The following WDR90 variants were observed in gnomAD, a reference collection of about 807,000 sequenced individuals.
WDR90 encodes WD repeat-containing protein 90.
In WDR90, 238 loss-of-function variants were observed where a neutral mutation model predicts 195.2. The observed-to-expected ratio is 1.22, with a 90% confidence interval of 1.10 to 1.36. The LOEUF is 1.36. Among genes scored for constraint, WDR90 ranks in the 40% most tolerant of loss-of-function variants. WDR90 has a pLI of 0.00. For missense variants in WDR90, 2,734 were observed against 2,439.5 expected, an observed-to-expected ratio of 1.12 and a Z score of -2.54; for synonymous variants, 1,265 against 1,052.4, an observed-to-expected ratio of 1.20 and a Z score of -3.91.
chr16:657,653 G>A, intron 20 of WDR90, 109 bp from the exon 21 acceptor site: 1 of 1,383,914 alleles, frequency 7.2e-7, no homozygotes, highest in Non-Finnish European at 9.5e-7. Flanking sequence ...CTGTGCTCCG[G>A]GGCTGGTGTT....
chr16:665,907 G>GA lies in WDR90; in HGVS notation c.4435-43_4435-42insA, dbSNP rs2038016055. On this transcript the variant is annotated intron_variant, in intron 35 of 40. Transcript: ENST00000293879. ...CCTCTGGCCTGGGTGTGTGTCCTCA[G>GA]GGCCCCTGTGAGTGCTGAAGTTTCC... 1.3e-5 allele frequency: 20 copies of GA among 1,562,200 alleles called. No individual in the cohort carries two copies. The South Asian group carries it at 2.0e-4, about 16-fold the overall frequency.
rs376823814 is a variant in WDR90, at chr16:658,976, C to T, written c.2976C>T (p.Ala992=). The T allele has an allele frequency of 1.9e-5, 30 of 1,612,762 alleles. No individual in the cohort carries two copies. Among genetic ancestry groups the T allele is most frequent in the East Asian group, 1.8e-4 (8 of 44,864 alleles). ...AGCAGGTCCTCAGCGCAGGGGACGC[C>T]GTCTTCCTCTGGGATGTCCTGGCCC... The part of the protein sequence containing the change: ...DQQQVLSAGD[A]VFLWDVLAPT... Residue 992 remains alanine, a synonymous_variant, in exon 24 of 41, where the codon GCC becomes GCT. Coordinates refer to ENST00000293879, the MANE Select transcript of WDR90 (RefSeq NM_145294.5).
chr16:650,682 T>C lies in WDR90; in HGVS notation c.532T>C (p.Tyr178His). 6.2e-7 allele frequency: 1 copy of C among 1,612,098 alleles called. No homozygotes were observed. Among genetic ancestry groups the C allele is most frequent in the Non-Finnish European group, 8.5e-7 (1 of 1,179,376 alleles). ...CGCCAGCCTGCTGGTCAGGAACCTGTACACCAGTGACCTGTGCTTTGAGCC... is the reference window on the plus strand; with the variant it reads ...CGCCAGCCTGCTGGTCAGGAACCTGCACACCAGTGACCTGTGCTTTGAGCC... ...LCASLLVRNLYTSDLCFEPAI... is the reference protein window; with the variant it reads ...LCASLLVRNLHTSDLCFEPAI... Residue 178 changes from tyrosine to histidine, a missense_variant, in exon 5 of 41, where the codon TAC (tyrosine) becomes CAC (histidine). Tyr to His is a moderately conservative substitution (Grantham distance 83, BLOSUM62 2). Coordinates refer to ENST00000293879, the MANE Select transcript of WDR90 (RefSeq NM_145294.5).
rs139254832 is a variant in WDR90 at position 656,758 on chromosome 16, C to T, written c.2229C>T (p.Asp743=). 1,642 of 1,613,174 alleles carry T rather than the reference C, an allele frequency of 1.0e-3. 31 individuals are homozygous for T. The East Asian group carries it at 0.033, about 33-fold the overall frequency. Residue 743 remains aspartate (D), a synonymous_variant, in exon 19 of 41, where the codon GAC becomes GAT. Coordinates refer to ENST00000293879, the MANE Select transcript of WDR90 (RefSeq NM_145294.5). ...QQLYDFTSSE[D]APCAVTFHPT... ...TATACGACTTCACATCATCAGAGGACGCCCCGTGCGCTGTCACCTTCCACC... is the reference window on the plus strand; with the variant it reads ...TATACGACTTCACATCATCAGAGGATGCCCCGTGCGCTGTCACCTTCCACC...
chr16:658,954 A>G lies in WDR90; in HGVS notation c.2954A>G (p.Gln985Arg). ...QAVAFSPDQQ[Q>R]VLSAGDAVFL... Reference sequence around the variant, plus strand: ...GTGGCCTTCTCTCCTGACCAGCAGCAGGTCCTCAGCGCAGGGGACGCCGTC... The same window carrying G: ...GTGGCCTTCTCTCCTGACCAGCAGCGGGTCCTCAGCGCAGGGGACGCCGTC... The change falls in exon 24 of 41, where the codon CAG becomes CGG. Residue 985 changes from glutamine to arginine, a missense_variant. Coordinates refer to ENST00000293879, the MANE Select transcript of WDR90 (RefSeq NM_145294.5). 6.2e-7 allele frequency: 1 copy of G among 1,612,914 alleles called. No individual in the cohort carries two copies. The highest frequency in any genetic ancestry group is 8.5e-7 in the Non-Finnish European group (1 of 1,179,964).
At chr16:654,828 G>T (rs1441652128) in intron 13 of WDR90, 5 of 592,048 alleles carry the variant, frequency 8.4e-6, no homozygotes, top group African/African-American at 7.5e-5. Flanking sequence ...GCTCAGCATT[G>T]CGGGTCTCTG....
rs770927119 is a variant in WDR90, at chr16:666,954, C to T, written c.5054C>T (p.Ser1685Phe). The change falls in exon 40 of 41, where the codon TCC (serine) becomes TTC (phenylalanine). Residue 1685 changes from serine to phenylalanine, a missense_variant. Ser to Phe is a radical substitution (Grantham distance 155). Coordinates refer to ENST00000293879, the MANE Select transcript of WDR90 (RefSeq NM_145294.5). ...LPFFAMSLSL[S>F]PGTHLLAVGF... is the part of the protein sequence containing the mutation. ...TTTTTTGCCATGTCCCTGAGCCTGT[C>T]CCCCGGGACCCACCTCCTGGCTGTT... 23 of 1,611,042 alleles carry T rather than the reference C, an allele frequency of 1.4e-5. No individual in the cohort carries two copies. Among genetic ancestry groups the T allele is most frequent in the African/African-American group, 4.0e-5 (3 of 74,824 alleles).
In WDR90 at chr16:659,364, G is replaced by A. The variant is rs767788709; in HGVS notation, c.3172G>A (p.Glu1058Lys). 17 of 1,592,182 alleles carry A rather than the reference G, an allele frequency of 1.1e-5. No individual in the cohort carries two copies. Among genetic ancestry groups the A allele is most frequent in the African/African-American group, 5.4e-5 (4 of 74,744 alleles). The change falls in exon 26 of 41, where the codon GAA becomes AAA. Residue 1058 changes from glutamate (E) to lysine (K), a missense_variant. By Grantham distance (56) the Glu-to-Lys change is moderately conservative (BLOSUM62 1). Coordinates refer to ENST00000293879, the MANE Select transcript of WDR90 (RefSeq NM_145294.5). The part of the protein sequence containing the change: ...PRLGVCARPP[E>K]GGDGARDTRN... ...GCTGGGCGTCTGTGCCAGGCCTCCCGAAGGTGGCGATGGTGAGCAGCAGGG... is the reference window on the plus strand; with the variant it reads ...GCTGGGCGTCTGTGCCAGGCCTCCCAAAGGTGGCGATGGTGAGCAGCAGGG...
At chr16:658,861 C>T in intron 23 of WDR90, 35 bp from the exon 24 acceptor site, 1 of 1,606,608 alleles carries the variant, frequency 6.2e-7, no homozygotes, top group Non-Finnish European at 8.5e-7. Flanking sequence ...CCATGCCCCG[C>T]CTCGGGGTCC....
At position 661,427 on chromosome 16, in the gene WDR90, A is replaced by T; in HGVS notation, c.3599A>T (p.His1200Leu). Residue 1200 changes from histidine to leucine, a missense_variant, in exon 30 of 41, where the codon CAT (histidine) becomes CTT (leucine). By Grantham distance (99) the His-to-Leu change is moderately conservative. Transcript: ENST00000293879. ...GACGTGTCTGGCGGCCTCTGCCAGC[A>T]TCTCATTTTCCCCCATAGCACCACC... ...VWDVSGGLCQ[H>L]LIFPHSTTVL... The T allele has an allele frequency of 6.2e-7, 1 of 1,612,398 alleles. No homozygotes were observed. The highest frequency in any genetic ancestry group is 8.5e-7 in the Non-Finnish European group (1 of 1,179,894).
At chr16:649,693 C>G (rs1440726455) in intron 1 of WDR90, 70 bp from the exon 2 acceptor site, 1 of 1,421,600 alleles carries the variant, frequency 7.0e-7, no homozygotes, top group Non-Finnish European at 9.3e-7. Flanking sequence ...CCCCGAGGCC[C>G]GGCCCAGCCC....
At chr16:649,707 A>G (rs2037599231) in intron 1 of WDR90, 56 bp from the exon 2 acceptor site, 1 of 1,502,954 alleles carries the variant, frequency 6.7e-7, no homozygotes, top group African/African-American at 1.4e-5. Flanking sequence ...CCAGCCCCGC[A>G]GTGGCCCCGG....
chr16:666,359 G>T lies in WDR90; in HGVS notation c.4740+9G>T, dbSNP rs2038043503. On this transcript the variant is annotated intron_variant, in intron 37 of 40. Transcript: ENST00000293879. ...GTGTCACGTGCAAAGAGGTAAAGCA[G>T]CCCCAAGAGCTGGGGAGAGGGGGCC... 2 of 1,612,534 alleles carry T rather than the reference G, an allele frequency of 1.2e-6. No homozygotes were observed. Among genetic ancestry groups the T allele is most frequent in the East Asian group, 4.5e-5 (2 of 44,864 alleles).
intron 21 of WDR90, 131 bp from the exon 22 acceptor site, chr16:658,052 G>A: frequency 6.9e-7 from 1 of 1,458,848 alleles, no homozygotes; most frequent in Non-Finnish European, 9.1e-7. Context: ...GTGCGGCCAG[G>A]TTCCTGTGCA....
intron 29 of WDR90, 75 bp downstream of exon 29, chr16:661,247 G>C (rs548701266): frequency 1.3e-6 from 2 of 1,524,360 alleles, no homozygotes; most frequent in Non-Finnish European, 8.8e-7. Context: ...GACCGGTGCG[G>C]GTTCTCACCA....
rs1469618766 is a variant in WDR90, at chr16:650,529, C to T, written c.389-10C>T. On this transcript the variant is annotated splice_polypyrimidine_tract_variant and intron_variant, in intron 4 of 40. Coordinates refer to ENST00000293879, the MANE Select transcript of WDR90 (RefSeq NM_145294.5). ...AGGGTGGGCGCTGACCCTGAGTGCCCATCCTGCAGATCTGGTGGGTTTGGC... is the reference window on the plus strand; with the variant it reads ...AGGGTGGGCGCTGACCCTGAGTGCCTATCCTGCAGATCTGGTGGGTTTGGC... 1 of 1,595,544 alleles carries T rather than the reference C, an allele frequency of 6.3e-7. No individual in the cohort carries two copies. The highest frequency in any genetic ancestry group is 1.7e-5 in the Admixed American group (1 of 59,644).
intron 23 of WDR90, 101 bp from the exon 24 acceptor site, chr16:658,795 G>T: frequency 6.4e-7 from 1 of 1,557,076 alleles, no homozygotes. Flanking sequence ...CTGTGCCTCC[G>T]GGGCCTCACA....
Position 660,081 on chromosome 16 carries a change from G to C in WDR90, c.3208G>C (p.Gly1070Arg). ...GDGARDTRNS[G>R]APRTTYLASC... is the part of the protein sequence containing the mutation. ...AGGCGCCAGGGACACCAGGAATTCGGGGGCCCCACGCACCACCTACCTGGC... is the reference window on the plus strand; with the variant it reads ...AGGCGCCAGGGACACCAGGAATTCGCGGGCCCCACGCACCACCTACCTGGC... The change falls in exon 27 of 41, where the codon GGG (glycine) becomes CGG (arginine). Residue 1070 changes from glycine to arginine, a missense_variant. By Grantham distance (125) the Gly-to-Arg change is moderately radical. Transcript: ENST00000293879. 6.5e-7 allele frequency: 1 copy of C among 1,546,818 alleles called. No homozygotes were observed. Among genetic ancestry groups the C allele is most frequent in the Non-Finnish European group, 8.7e-7 (1 of 1,147,058 alleles).
intron 7 of WDR90, among the ~76,000 whole-genome samples, 154 bp downstream of exon 7, chr16:651,420 AACC>A (rs1329190711): frequency 6.6e-6 from 1 of 152,064 alleles, no homozygotes; most frequent in East Asian, 1.9e-4. Context: ...GAGTTCCCAG[AACC>A]ACGAGGGTGG....
Sources: allele counts gnomAD v4.1 joint callset (sites outside exome capture counted in the v4.1 genomes callset), GRCh38; gene constraint gnomAD v4.1.1; transcripts MANE v1.5; gene names NCBI Gene and HGNC (gene_info 2026-07-23, HGNC 2026-07-21).